The following RAD51B variants were observed in gnomAD, a reference collection of about 807,000 sequenced individuals.
RAD51B encodes RAD51 paralog B, also known as DNA repair protein RAD51 homolog 2.
In RAD51B, 38 loss-of-function variants were observed where a neutral mutation model predicts 42.2. That is an observed-to-expected ratio of 0.90 (90% CI 0.70 to 1.18). RAD51B has a LOEUF of 1.18. Among genes scored for constraint, RAD51B ranks in the 50% most tolerant of loss-of-function variants. The probability of loss-of-function intolerance (pLI) is 0.00; values close to 1 mark genes in which losing one functional copy is unlikely to be tolerated. For missense variants in RAD51B, 373 were observed against 400.7 expected (o/e 0.93, Z 0.59); for synonymous variants, 154 against 145.2 (o/e 1.06, Z -0.43).
At chr14:68,532,179 T>G (rs1463837106) in intron 10 of RAD51B, among the ~76,000 whole-genome samples, 1 of 152,112 alleles carries the variant, frequency 6.6e-6, no homozygotes, top group Non-Finnish European at 1.5e-5. Context: ...AAAGATGTGT[T>G]TAAATCTAGA....
chr14:68,598,983 C>T (rs1264441764), downstream of RAD51B, among the ~76,000 whole-genome samples: 1 of 152,168 alleles, frequency 6.6e-6, no homozygotes. Flanking sequence ...AAATCCCCAG[C>T]AGGGCAGAGG....
chr14:68,497,528 A>C (rs1884617630), intron 10 of RAD51B: 6 of 1,054,880 alleles, frequency 5.7e-6, no homozygotes, highest in Non-Finnish European at 6.9e-6. Context: ...TTTCATTTTG[A>C]TGGAGGTGAA....
intron 8 of RAD51B, among the ~76,000 whole-genome samples, chr14:68,303,600 A>C (rs2081795472): frequency 6.6e-6 from 1 of 152,160 alleles, no homozygotes; most frequent in African/African-American, 2.4e-5. Context: ...GATCTCTTTG[A>C]GGCAAGTCAC....
At chr14:68,488,516 T>TG (rs1301825688) in intron 10 of RAD51B, among the ~76,000 whole-genome samples, 1 of 152,172 alleles carries the variant, frequency 6.6e-6, no homozygotes, top group East Asian at 1.9e-4. Context: ...CCCCACCCTT[T>TG]GTATTTGATC....
At position 68,065,058 on chromosome 14, in the gene RAD51B, A is replaced by G. The variant is rs1178186524; in HGVS notation, c.756+177854A>G. ...TTTCATCTTGGATCCCTGTGTTGATATCTGTGCATCTGGTGGAACAGTTGC... is the reference window on the plus strand; with the variant it reads ...TTTCATCTTGGATCCCTGTGTTGATGTCTGTGCATCTGGTGGAACAGTTGC... On this transcript the variant is annotated intron_variant, in intron 7 of 10. Transcript: ENST00000471583. Among the ~76,000 whole-genome samples, 4 of 152,078 alleles carry G rather than the reference A, an allele frequency of 2.6e-5. No homozygotes were observed. In the East Asian group the frequency reaches 5.8e-4, roughly 22 times the overall value.
chr14:68,099,185 A>T (rs1292514952), intron 7 of RAD51B, among the ~76,000 whole-genome samples: 3 of 152,206 alleles, frequency 2.0e-5, no homozygotes, highest in Admixed American at 6.5e-5. Context: ...GGAAGAGAAC[A>T]CATAAAGTCT....
intron 3 of RAD51B, among the ~76,000 whole-genome samples, chr14:67,828,160 T>G (rs933238253): frequency 2.0e-5 from 3 of 152,234 alleles, no homozygotes; most frequent in Non-Finnish European, 2.9e-5. Context: ...TGTTGTTTCT[T>G]GACTTTTTAG....
At chr14:67,973,625 A>G (rs1201550318) in intron 7 of RAD51B, among the ~76,000 whole-genome samples, 2 of 152,170 alleles carry the variant, frequency 1.3e-5, no homozygotes, top group African/African-American at 2.4e-5. Context: ...CCTTAACTCA[A>G]TTACATCTAA....
At chr14:68,324,292 A>G (rs903811123) in intron 8 of RAD51B, among the ~76,000 whole-genome samples, 1 of 152,238 alleles carries the variant, frequency 6.6e-6, no homozygotes, top group Admixed American at 6.5e-5. Context: ...ACATCTGGGC[A>G]GGGATGACAC....
intron 7 of RAD51B, among the ~76,000 whole-genome samples, chr14:68,211,630 A>G (rs1022003295): frequency 6.6e-6 from 1 of 152,226 alleles, no homozygotes; most frequent in African/African-American, 2.4e-5. Flanking sequence ...ATAAATTAAT[A>G]TATAAAACCA....
intron 7 of RAD51B, among the ~76,000 whole-genome samples, chr14:68,163,467 G>A (rs989839115): frequency 2.0e-5 from 3 of 152,074 alleles, no homozygotes; most frequent in African/African-American, 4.8e-5. Context: ...CCTATCCCCC[G>A]ATGGTCCTTC....
At chr14:68,060,539 A>T (rs985139040) in intron 7 of RAD51B, among the ~76,000 whole-genome samples, 3 of 152,240 alleles carry the variant, frequency 2.0e-5, no homozygotes, top group Non-Finnish European at 4.4e-5. Context: ...GGAATAAATT[A>T]CTTCTTACAG....
At chr14:68,639,754 C>A (rs929469686) in intron 10 of RAD51B, among the ~76,000 whole-genome samples, 12 of 151,906 alleles carry the variant, frequency 7.9e-5, no homozygotes, top group African/African-American at 2.9e-4. Flanking sequence ...GTGGGCAGAG[C>A]CAGGGTTTTG....
chr14:68,050,927 C>A lies in RAD51B; in HGVS notation c.756+163723C>A, dbSNP rs140260772. 2.3e-3 allele frequency among the ~76,000 whole-genome samples: 348 copies of A among 150,752 alleles called. 1 individual carries two copies. Among genetic ancestry groups the A allele is most frequent in the African/African-American group, 8.2e-3 (337 of 41,092 alleles). ...ATAATTATATGTTAAGAAAATCCTT[C>A]TAAGAAAACATTTTATATCCAACTC... On this transcript the variant is annotated intron_variant, in intron 7 of 10. Transcript: ENST00000471583.
intron 4 of RAD51B, among the ~76,000 whole-genome samples, chr14:67,850,026 T>C (rs879296994): frequency 1.3e-5 from 2 of 152,104 alleles, no homozygotes; most frequent in Non-Finnish European, 2.9e-5. Flanking sequence ...TTGAGACAGG[T>C]TCTCACTCTT....
rs552795750 is a variant in RAD51B, at chr14:68,015,521, G to A, written c.756+128317G>A. ...AATCATGGTGGAAGGCGAAGGAGGA[G>A]CAAAGTCATGTCTTACATGGCCGCA... On this transcript the variant is annotated intron_variant, in intron 7 of 10. Coordinates refer to ENST00000471583, the MANE Select transcript of RAD51B (RefSeq NM_133510.4). Among the ~76,000 whole-genome samples, 7 of 152,318 alleles carry A rather than the reference G, an allele frequency of 4.6e-5. No individual in the cohort carries two copies. In the South Asian group the frequency reaches 1.2e-3, roughly 27 times the overall value.
chr14:68,263,911 A>C (rs2080934964), intron 7 of RAD51B, among the ~76,000 whole-genome samples: 1 of 152,240 alleles, frequency 6.6e-6, no homozygotes, highest in Non-Finnish European at 1.5e-5. Context: ...ATGCAAAGAG[A>C]AGTCAACAGC....
At chr14:67,876,932 G>C (rs1465254588) in intron 5 of RAD51B, among the ~76,000 whole-genome samples, 4 of 152,116 alleles carry the variant, frequency 2.6e-5, no homozygotes, top group Non-Finnish European at 5.9e-5. Flanking sequence ...TATTGTTTTG[G>C]GGTTTGATGG....
At chr14:68,018,284 C>T (rs10140097) in intron 7 of RAD51B, among the ~76,000 whole-genome samples, 41,756 of 152,062 alleles carry the variant, frequency 0.27, 7,496 homozygotes, top group African/African-American at 0.51. Flanking sequence ...TGGTTAACTT[C>T]AATAGACAAT....
Sources: allele counts gnomAD v4.1 joint callset (sites outside exome capture counted in the v4.1 genomes callset), GRCh38; gene constraint gnomAD v4.1.1; transcripts MANE v1.5; gene names NCBI Gene and HGNC (gene_info 2026-07-23, HGNC 2026-07-21).